CTNNA3: variants seen among roughly 807,000 people sequenced by gnomAD.
CTNNA3 encodes the protein catenin alpha-3.
CTNNA3 carries 76 observed loss-of-function variants against 95.7 expected under a neutral mutation model. The ratio of observed to expected loss-of-function variants is 0.79; its 90% confidence interval spans 0.66 to 0.96. The LOEUF (loss-of-function observed/expected upper bound fraction) is 0.96. CTNNA3 is among the 40% of genes least tolerant of loss of function. The probability of loss-of-function intolerance (pLI) is 0.00; values close to 1 mark genes in which losing one functional copy is unlikely to be tolerated. For synonymous variants in CTNNA3, 431 were observed against 374.4 expected (o/e 1.15, Z -1.74); for missense variants, 1,191 against 1,089.8 (o/e 1.09, Z -1.31).
chr10:66,335,532 C>T (rs1467980880), intron 12 of CTNNA3, among the ~76,000 whole-genome samples: 1 of 152,102 alleles, frequency 6.6e-6, no homozygotes, highest in Non-Finnish European at 1.5e-5. Flanking sequence ...GCAGCAGAAG[C>T]TGCAGAACAG....
At chr10:67,027,837 T>TA (rs1021289341) in intron 7 of CTNNA3, among the ~76,000 whole-genome samples, 92 of 152,196 alleles carry the variant, frequency 6.0e-4, no homozygotes, top group African/African-American at 2.1e-3. Context: ...TTTAAAACTT[T>TA]AAAATTTACA....
chr10:67,310,255 T>C (rs1840734059), intron 5 of CTNNA3, among the ~76,000 whole-genome samples: 1 of 152,188 alleles, frequency 6.6e-6, no homozygotes, highest in African/African-American at 2.4e-5. Context: ...GCTGTATGCA[T>C]CTTCCGACAT....
intron 10 of CTNNA3, among the ~76,000 whole-genome samples, chr10:66,548,236 T>G (rs1323360967): frequency 3.9e-5 from 6 of 152,120 alleles, no homozygotes; most frequent in African/African-American, 1.4e-4. Flanking sequence ...ATTTTTGATA[T>G]TATTGAATAT....
chr10:67,598,130 C>T (rs1013684308), intron 3 of CTNNA3, among the ~76,000 whole-genome samples: 1 of 152,128 alleles, frequency 6.6e-6, no homozygotes, highest in Non-Finnish European at 1.5e-5. Flanking sequence ...GCCAAAACCA[C>T]CTAGAGGAGT....
intron 1 of CTNNA3, among the ~76,000 whole-genome samples, chr10:67,744,873 G>C (rs180934709): frequency 0.11 from 16,293 of 152,090 alleles, 1,160 homozygotes; most frequent in African/African-American, 0.21. Context: ...TTTCTCAAAA[G>C]AAGACATTTA....
rs1325844200 is a variant in CTNNA3, at chr10:66,927,598, T to C, written c.1048-152074A>G. ...GCTCAACCTGGCCCTTTTTCCAAGG[T>C]TGGTCAGCCTTCAGAACCTTTACTT... On this transcript the variant is annotated intron_variant, in intron 7 of 17. Transcript: ENST00000433211. The surrounding 1 kb of genome is among the most constrained non-coding windows in gnomAD (Gnocchi z 4.7). 6.2e-7 allele frequency: 1 copy of C among 1,614,176 alleles called. No individual in the cohort carries two copies. Among genetic ancestry groups the C allele is most frequent in the South Asian group, 1.1e-5 (1 of 91,076 alleles).
At chr10:67,761,935 C>T (rs993979927) in intron 1 of CTNNA3, among the ~76,000 whole-genome samples, 1 of 151,504 alleles carries the variant, frequency 6.6e-6, no homozygotes, top group South Asian at 2.1e-4. Context: ...AGGATTACCA[C>T]TGGACCTTTA....
chr10:67,508,278 C>T (rs1839492864), intron 5 of CTNNA3, among the ~76,000 whole-genome samples: 1 of 152,090 alleles, frequency 6.6e-6, no homozygotes, highest in Admixed American at 6.6e-5. Flanking sequence ...TCCCAAAGTG[C>T]TGGGATTACA....
At chr10:66,865,353 T>A (rs1251934790) in intron 7 of CTNNA3, among the ~76,000 whole-genome samples, 1 of 152,012 alleles carries the variant, frequency 6.6e-6, no homozygotes, top group African/African-American at 2.4e-5. Context: ...TCTATCATCA[T>A]GTTAAAAAGA....
intron 12 of CTNNA3, among the ~76,000 whole-genome samples, chr10:66,333,479 G>A (rs1210141725): frequency 5.9e-5 from 9 of 151,974 alleles, no homozygotes; most frequent in African/African-American, 1.2e-4. Flanking sequence ...CCTTCATTTC[G>A]TTATGTACCC....
intron 1 of CTNNA3, among the ~76,000 whole-genome samples, chr10:67,717,755 G>A (rs898980167): frequency 3.9e-5 from 6 of 152,138 alleles, no homozygotes; most frequent in African/African-American, 1.4e-4. Context: ...GTAGCATGAT[G>A]CCTCCAGCTT....
intron 12 of CTNNA3, among the ~76,000 whole-genome samples, chr10:66,302,203 C>T (rs2091872214): frequency 6.6e-6 from 1 of 151,892 alleles, no homozygotes; most frequent in South Asian, 2.1e-4. Context: ...GTTCCGGTGC[C>T]TAGATAGGAC....
At chr10:66,104,379 C>T (rs2081795182) in intron 13 of CTNNA3, among the ~76,000 whole-genome samples, 1 of 152,168 alleles carries the variant, frequency 6.6e-6, no homozygotes. Flanking sequence ...TTTGCAAATA[C>T]ATGTCAAAGT....
At chr10:67,334,314 A>C (rs867590680) in intron 5 of CTNNA3, 7 of 153,290 alleles carry the variant, frequency 4.6e-5, no homozygotes, top group African/African-American at 1.4e-4. Context: ...CATCAGCAAA[A>C]AGCTATCCTC....
At chr10:66,416,951 CAG>C (rs1351708676) in intron 11 of CTNNA3, among the ~76,000 whole-genome samples, 4 of 151,960 alleles carry the variant, frequency 2.6e-5, no homozygotes, top group Admixed American at 2.6e-4. Flanking sequence ...ACTGCAATGA[CAG>C]ACATTAAGAG....
intron 4 of CTNNA3, among the ~76,000 whole-genome samples, chr10:67,538,222 GA>G (rs200009794): frequency 0.075 from 8,562 of 113,744 alleles, 279 homozygotes; most frequent in South Asian, 0.17. Flanking sequence ...ACTATCAAAA[GA>G]AAAAAATGAA....
At chr10:66,386,467 C>T (rs1316506573) in intron 11 of CTNNA3, among the ~76,000 whole-genome samples, 1 of 152,160 alleles carries the variant, frequency 6.6e-6, no homozygotes, top group African/African-American at 2.4e-5. Context: ...ATTGGAAGAA[C>T]ATTCCATGCT....
intron 1 of CTNNA3, among the ~76,000 whole-genome samples, chr10:67,719,385 T>C (rs2133617831): frequency 6.6e-6 from 1 of 152,302 alleles, no homozygotes; most frequent in East Asian, 1.9e-4. Flanking sequence ...CTTTTAATTG[T>C]GATGTTAGGG....
intron 10 of CTNNA3, among the ~76,000 whole-genome samples, chr10:66,590,258 G>A (rs1282018664): frequency 1.3e-5 from 2 of 152,012 alleles, no homozygotes; most frequent in African/African-American, 4.8e-5. Context: ...GAGAGTTTAA[G>A]GTTCAAGTGA....
Sources: gnomAD v4.1 joint callset for allele counts (sites outside exome capture counted in the v4.1 genomes callset) on GRCh38, gnomAD v4.1.1 for gene constraint, Gnocchi (gnomAD v3.1) non-coding constraint, MANE v1.5 for transcripts, NCBI Gene and HGNC (gene_info 2026-07-23, HGNC 2026-07-21) for gene names.